The following C15orf39 variants were observed in gnomAD, a reference collection of about 807,000 sequenced individuals.
The protein encoded by C15orf39 is PRMT2 interacting protein.
A neutral mutation model predicts 53.9 loss-of-function variants in C15orf39; 24 were observed. That is an observed-to-expected ratio of 0.45 (90% confidence interval 0.32 to 0.63). The LOEUF is 0.63. C15orf39 is among the 20% of genes least tolerant of loss of function. C15orf39 has a pLI of 0.04. For synonymous variants in C15orf39, 569 were observed against 576.5 expected, an observed-to-expected ratio of 0.99 and a Z score of 0.19; for missense variants, 1,271 against 1,347.9, an observed-to-expected ratio of 0.94 and a Z score of 0.89.
At chr15:75,203,733 A>G (rs1173379697) in intron 1 of C15orf39, among the ~76,000 whole-genome samples, 1 of 152,172 alleles carries the variant, frequency 6.6e-6, no homozygotes, top group African/African-American at 2.4e-5. Context: ...GCAGACCCCA[A>G]GAAGCATGTG....
At chr15:75,208,898 G>C in intron 2 of C15orf39, 74 bp downstream of exon 2, 1 of 1,516,410 alleles carries the variant, frequency 6.6e-7, no homozygotes, top group Non-Finnish European at 8.8e-7. Flanking sequence ...GTGTGAGTGC[G>C]TCACAGCTGG....
Position 75,208,675 on chromosome 15 carries a change from C to G in C15orf39, c.2627C>G (p.Thr876Ser). 1 of 1,607,594 alleles carries G rather than the reference C, an allele frequency of 6.2e-7. No individual in the cohort carries two copies. The highest frequency in any genetic ancestry group is 8.5e-7 in the Non-Finnish European group (1 of 1,178,872). The change falls in exon 2 of 3, where the codon ACC becomes AGC. Residue 876 changes from threonine (T) to serine (S), a missense_variant. Thr to Ser is a moderately conservative substitution (Grantham distance 58). Coordinates refer to ENST00000394987, the MANE Select transcript of C15orf39 (RefSeq NM_015492.5). Reference protein sequence around the residue: ...LQEHRVELRPTTLSEERALRE... With the variant: ...LQEHRVELRPSTLSEERALRE... Reference sequence around the variant, plus strand: ...GAGCATCGTGTGGAGCTGCGGCCCACCACGCTGTCGGAGGAGCGGGCACTG... The same window carrying G: ...GAGCATCGTGTGGAGCTGCGGCCCAGCACGCTGTCGGAGGAGCGGGCACTG...
intron 2 of C15orf39, among the ~76,000 whole-genome samples, chr15:75,209,854 G>C (rs1250907226): frequency 6.6e-6 from 1 of 152,222 alleles, no homozygotes; most frequent in Non-Finnish European, 1.5e-5. Flanking sequence ...GTGGCAGTGA[G>C]GTGCAGATGA....
chr15:75,209,016 CTT>C (rs2141602011), intron 2 of C15orf39, 192 bp downstream of exon 2: 1 of 951,516 alleles, frequency 1.1e-6, no homozygotes, highest in East Asian at 2.8e-5. Context: ...TTCATAGCCT[CTT>C]TTGTAGGCTT....
chr15:75,207,295 C>A lies in C15orf39; in HGVS notation c.1247C>A (p.Ala416Glu). ...CCACAGCCTGGTGCCTTCCAGAGGG[C>A]ATGCCAGCCTTTGCCAGCGAGCCAG... ...AVPQPGAFQR[A>E]CQPLPASQPC... is the part of the protein sequence containing the mutation. The change falls in exon 2 of 3, where the codon GCA (alanine) becomes GAA (glutamate). Residue 416 changes from alanine (A) to glutamate (E), a missense_variant. Coordinates refer to ENST00000394987, the MANE Select transcript of C15orf39 (RefSeq NM_015492.5). 6.2e-7 allele frequency: 1 copy of A among 1,613,490 alleles called. No homozygotes were observed. Among genetic ancestry groups the A allele is most frequent in the Non-Finnish European group, 8.5e-7 (1 of 1,179,984 alleles).
At chr15:75,205,561 C>T (rs1486359756) in intron 1 of C15orf39, among the ~76,000 whole-genome samples, 2 of 152,118 alleles carry the variant, frequency 1.3e-5, no homozygotes, top group Non-Finnish European at 2.9e-5. Flanking sequence ...GTGGTTCATG[C>T]CTGTGATTTC....
At position 75,207,658 on chromosome 15, in the gene C15orf39, C is replaced by T. The variant is rs2070451124; in HGVS notation, c.1610C>T (p.Ala537Val). 1 of 1,611,472 alleles carries T rather than the reference C, an allele frequency of 6.2e-7. No individual in the cohort carries two copies. The highest frequency in any genetic ancestry group is 8.5e-7 in the Non-Finnish European group (1 of 1,178,750). Residue 537 changes from alanine (A) to valine (V), a missense_variant, in exon 2 of 3, where the codon GCC becomes GTC. Ala to Val is a moderately conservative substitution (Grantham distance 64). Transcript: ENST00000394987. ...TCTGCCACAGCTGAGCCTGACTCAGCCCCAGCCACCAGTGAAGGTCAGGAC... is the reference window on the plus strand; with the variant it reads ...TCTGCCACAGCTGAGCCTGACTCAGTCCCAGCCACCAGTGAAGGTCAGGAC... ...PDSATAEPDS[A>V]PATSEGQDKG...
At position 75,207,768 on chromosome 15, in the gene C15orf39, C is replaced by T; in HGVS notation, c.1720C>T (p.Leu574=). 1 of 1,610,942 alleles carries T rather than the reference C, an allele frequency of 6.2e-7. No individual in the cohort carries two copies. Among genetic ancestry groups the T allele is most frequent in the East Asian group, 2.2e-5 (1 of 44,824 alleles). The change falls in exon 2 of 3, where the codon CTG becomes TTG. Residue 574 remains leucine, a synonymous_variant. Transcript: ENST00000394987. ...GGGCTCACTTAAGGAGGAGGTAGCC[C>T]TGGATTTGAGTGTGAGGAAGCCCAC... ...LRGSLKEEVA[L]DLSVRKPTAE... is the part of the protein sequence containing the mutation.
rs779885210 is a variant in C15orf39 at position 75,208,365 on chromosome 15, T to G, written c.2317T>G (p.Ser773Ala). ...GCAGCATTTTACAGGACTACATGCGTCCCTGTGTGATGCTATTTCTGGCTC... is the reference window on the plus strand; with the variant it reads ...GCAGCATTTTACAGGACTACATGCGGCCCTGTGTGATGCTATTTCTGGCTC... ...LEQHFTGLHA[S>A]LCDAISGSVA... The change falls in exon 2 of 3, where the codon TCC becomes GCC. Residue 773 changes from serine to alanine, a missense_variant. Ser to Ala is a moderately conservative substitution (Grantham distance 99, BLOSUM62 1). Around this residue, in one of 2 missense-constraint regions of C15orf39, gnomAD observed 994 missense variants for 993.7 expected, o/e 1.00. Coordinates refer to ENST00000394987, the MANE Select transcript of C15orf39 (RefSeq NM_015492.5). The G allele has an allele frequency of 6.3e-7, 1 of 1,594,202 alleles. No homozygotes were observed. Among genetic ancestry groups the G allele is most frequent in the Non-Finnish European group, 8.5e-7 (1 of 1,170,340 alleles).
upstream of C15orf39, among the ~76,000 whole-genome samples, chr15:75,199,356 A>T (rs1343786568): frequency 1.3e-5 from 2 of 152,194 alleles, no homozygotes; most frequent in Non-Finnish European, 2.9e-5. Context: ...CAGCAAAAGC[A>T]GTCTGAGGGG....
rs2070434184 is a variant in C15orf39, at chr15:75,205,945, C to G, written c.-50-54C>G. ...TGATGAGAGCAGCAGCCCTCTGTTG[C>G]TTTGCCTGTAGCCTGTTTTCCTGAC... On this transcript the variant is annotated intron_variant, in intron 1 of 2. Transcript: ENST00000394987. 7.3e-6 allele frequency: 9 copies of G among 1,232,378 alleles called. No homozygotes were observed. The Admixed American group carries it at 2.5e-4, about 34-fold the overall frequency. The allele number at this position is 1,232,378 out of a possible 1,614,324, so 76.3% of individuals were successfully genotyped here.
chr15:75,204,513 T>C (rs2070425132), intron 1 of C15orf39, among the ~76,000 whole-genome samples: 1 of 152,152 alleles, frequency 6.6e-6, no homozygotes. Context: ...TTTTTGTTTT[T>C]TGTGTTTTTT....
chr15:75,207,469 C>A lies in C15orf39; in HGVS notation c.1421C>A (p.Pro474Gln). The change falls in exon 2 of 3, where the codon CCA becomes CAA. Residue 474 changes from proline (P) to glutamine (Q), a missense_variant. Physicochemically the swap from Pro to Gln is moderately conservative, Grantham distance 76. Around this residue, in one of 2 missense-constraint regions of C15orf39, gnomAD observed 994 missense variants for 993.7 expected, o/e 1.00. Transcript: ENST00000394987. The part of the protein sequence containing the change: ...IRDSPVPCTP[P>Q]ALPPCARECQ... ...GACAGTCCAGTTCCCTGTACCCCCC[C>A]AGCACTGCCCCCCTGTGCCCGGGAG... 2 of 1,613,700 alleles carry A rather than the reference C, an allele frequency of 1.2e-6. No individual in the cohort carries two copies. The highest frequency in any genetic ancestry group is 1.7e-6 in the Non-Finnish European group (2 of 1,179,986).
chr15:75,200,424 T>C (rs1179138413), upstream of C15orf39, among the ~76,000 whole-genome samples: 1 of 152,086 alleles, frequency 6.6e-6, no homozygotes, highest in African/African-American at 2.4e-5. Flanking sequence ...AACCTGAGCG[T>C]CCTAGACCCC....
chr15:75,199,011 C>A (rs1353047553), upstream of C15orf39: 2 of 152,228 alleles, frequency 1.3e-5, no homozygotes, highest in Non-Finnish European at 2.9e-5. Flanking sequence ...GCCTTAGGTT[C>A]CCTGCCTCCA....
chr15:75,199,478 G>A (rs2141591867), upstream of C15orf39, among the ~76,000 whole-genome samples: 1 of 152,360 alleles, frequency 6.6e-6, no homozygotes, highest in Non-Finnish European at 1.5e-5. Context: ...CTGTAGAGTA[G>A]CTGCCAGCTC....
At position 75,208,273 on chromosome 15, in the gene C15orf39, C is replaced by A. The variant is rs867819380; in HGVS notation, c.2225C>A (p.Ala742Asp). The A allele has an allele frequency of 1.3e-6, 2 of 1,582,690 alleles. No homozygotes were observed. Among genetic ancestry groups the A allele is most frequent in the African/African-American group, 2.7e-5 (2 of 74,210 alleles). The stretch of plus-strand genomic sequence containing the variant: ...GCTCCAGCTTCAGCCCGGGATCCAG[C>A]TCCAGCTCCAGCTCCAGTTGCAGGC... ...AQAPASARDP[A>D]PAPAPVAGPA... The change falls in exon 2 of 3, where the codon GCT (alanine) becomes GAT (aspartate). Residue 742 changes from alanine to aspartate, a missense_variant. Around this residue, in one of 2 missense-constraint regions of C15orf39, gnomAD observed 994 missense variants for 993.7 expected, o/e 1.00. Coordinates refer to ENST00000394987, the MANE Select transcript of C15orf39 (RefSeq NM_015492.5).
intron 1 of C15orf39, among the ~76,000 whole-genome samples, chr15:75,203,122 T>A (rs546102386): frequency 2.6e-3 from 394 of 152,324 alleles, no homozygotes; most frequent in African/African-American, 9.0e-3. Context: ...TCCGGGAGAA[T>A]CCAGATGCTG....
chr15:75,208,867 C>A (rs749972085), intron 2 of C15orf39, 43 bp downstream of exon 2: 10 of 1,551,872 alleles, frequency 6.4e-6, no homozygotes, highest in Non-Finnish European at 7.8e-6. Flanking sequence ...GCTGTGTGAG[C>A]AAGTGACAGG....
Sources: allele counts gnomAD v4.1 joint callset (sites outside exome capture counted in the v4.1 genomes callset), GRCh38; gene constraint gnomAD v4.1.1; regional missense constraint gnomAD v4.1.1; transcripts MANE v1.5; gene names NCBI Gene and HGNC (gene_info 2026-07-23, HGNC 2026-07-21).